DTNA: variants seen among roughly 807,000 people sequenced by gnomAD.
The protein encoded by DTNA is dystrophin-related protein 3.
Under a neutral mutation model 100.7 loss-of-function variants are expected in DTNA, and 43 were observed. The ratio of observed to expected loss-of-function variants is 0.43; its 90% CI spans 0.33 to 0.55. DTNA has a LOEUF of 0.55. DTNA is among the 20% of genes least tolerant of loss of function. The pLI is 0.04. For missense variants in DTNA, 798 were observed against 953.9 expected (o/e 0.84, Z 2.15); for synonymous variants, 349 against 347.9 (o/e 1.00, Z -0.04).
At chr18:34,808,202 C>G (rs1178407624) in intron 5 of DTNA, among the ~76,000 whole-genome samples, 2 of 152,172 alleles carry the variant, frequency 1.3e-5, no homozygotes, top group Admixed American at 1.3e-4. Context: ...GTCTGTCAAC[C>G]TTTAACATAC....
At chr18:34,532,739 A>G (rs1382891006) in intron 1 of DTNA, among the ~76,000 whole-genome samples, 1 of 144,466 alleles carries the variant, frequency 6.9e-6, no homozygotes, top group Admixed American at 7.2e-5. Context: ...TGAGAACTGT[A>G]TATGTATATT....
chr18:34,762,817 A>ACAGACCT (rs1277010468), intron 2 of DTNA, among the ~76,000 whole-genome samples: 1 of 152,232 alleles, frequency 6.6e-6, no homozygotes, highest in Non-Finnish European at 1.5e-5. Flanking sequence ...TTATAGACCT[A>ACAGACCT]CAGACCTCTT....
chr18:34,821,841 A>G lies in DTNA; in HGVS notation c.1001+926A>G, dbSNP rs546462929. Among the ~76,000 whole-genome samples the G allele has an allele frequency of 3.3e-5, 5 of 152,346 alleles. No individual in the cohort carries two copies. The South Asian group carries it at 8.3e-4, about 25-fold the overall frequency. ...ATAGGAATTCAACAATGCAAAGTTCATGCTTCAGGCAGTTCAGCATATGAT... is the reference window on the plus strand; with the variant it reads ...ATAGGAATTCAACAATGCAAAGTTCGTGCTTCAGGCAGTTCAGCATATGAT... On this transcript the variant is annotated intron_variant, in intron 9 of 22. Transcript: ENST00000444659.
At chr18:34,860,220 G>GTATTTTTTTT (rs749839630) in intron 16 of DTNA, among the ~76,000 whole-genome samples, 7 of 80,278 alleles carry the variant, frequency 8.7e-5, no homozygotes, top group Admixed American at 1.5e-4. Flanking sequence ...CTAATTTTTT[G>GTATTTTTTTT]TTTTTTTTTT....
At chr18:34,623,204 C>T (rs2056808151) in intron 1 of DTNA, among the ~76,000 whole-genome samples, 1 of 152,090 alleles carries the variant, frequency 6.6e-6, no homozygotes, top group African/African-American at 2.4e-5. Context: ...CCAAAAAATG[C>T]AGGCTTCACC....
chr18:34,877,870 GTC>G (rs1012847888), intron 19 of DTNA, 62 bp downstream of exon 19: 1 of 1,364,972 alleles, frequency 7.3e-7, no homozygotes, highest in Non-Finnish European at 1.0e-6. Context: ...AGTGCTAGGG[GTC>G]TCTCTTAGAG....
rs115652017 is a variant in DTNA at position 34,884,301 on chromosome 18, T to C, written c.2296-427T>C. 3.9e-3 allele frequency among the ~76,000 whole-genome samples: 587 copies of C among 152,286 alleles called. 2 individuals are homozygous for C. The highest frequency in any genetic ancestry group is 0.013 in the African/African-American group (551 of 41,558). ...ACACCATTCCATATAAAATATTAGATTTTTATTCATTTTAATGAATTAAAA... is the reference window on the plus strand; with the variant it reads ...ACACCATTCCATATAAAATATTAGACTTTTATTCATTTTAATGAATTAAAA... On this transcript the variant is annotated intron_variant, in intron 21 of 22. Transcript: ENST00000444659.
intron 16 of DTNA, among the ~76,000 whole-genome samples, chr18:34,859,649 G>A (rs2150074170): frequency 6.6e-6 from 1 of 152,286 alleles, no homozygotes; most frequent in Middle Eastern, 3.4e-3. Context: ...TTGTTACTTG[G>A]GTGTGGAAAG....
chr18:34,714,538 C>A (rs1255062484), intron 1 of DTNA, among the ~76,000 whole-genome samples: 3 of 148,884 alleles, frequency 2.0e-5, no homozygotes, highest in African/African-American at 5.0e-5. Context: ...AATGAGATAC[C>A]ATCTCACACC....
At chr18:34,602,707 A>C (rs1007923907) in intron 1 of DTNA, among the ~76,000 whole-genome samples, 6 of 151,768 alleles carry the variant, frequency 4.0e-5, no homozygotes, top group South Asian at 2.1e-4. Context: ...ACAAAAAAAA[A>C]CAAACAAACA....
At chr18:34,669,494 G>A (rs548629649) in intron 1 of DTNA, among the ~76,000 whole-genome samples, 65 of 152,254 alleles carry the variant, frequency 4.3e-4, no homozygotes, top group African/African-American at 1.1e-3. Context: ...TATTTTGTTC[G>A]TTAGTTGATG....
chr18:34,816,498 A>G (rs1182483206), intron 7 of DTNA, among the ~76,000 whole-genome samples: 1 of 152,210 alleles, frequency 6.6e-6, no homozygotes, highest in African/African-American at 2.4e-5. Context: ...TAAAGATAAG[A>G]GTAAAATAAC....
intron 9 of DTNA, among the ~76,000 whole-genome samples, chr18:34,824,583 C>T (rs2095810455): frequency 1.3e-5 from 2 of 151,940 alleles, no homozygotes; most frequent in Admixed American, 1.3e-4. Context: ...AAAAAAAATG[C>T]TGTTAGTCCT....
chr18:34,549,050 C>T (rs923924865), intron 1 of DTNA, among the ~76,000 whole-genome samples: 1 of 152,082 alleles, frequency 6.6e-6, no homozygotes, highest in Non-Finnish European at 1.5e-5. Flanking sequence ...TAACAAGTCC[C>T]TCTCAATCCC....
intron 3 of DTNA, among the ~76,000 whole-genome samples, chr18:34,777,807 G>C (rs1022889034): frequency 5.9e-5 from 9 of 152,224 alleles, no homozygotes; most frequent in Admixed American, 2.0e-4. Context: ...TGGCACATAG[G>C]GATTACAGAT....
intron 15 of DTNA, among the ~76,000 whole-genome samples, chr18:34,856,592 G>A (rs974769035): frequency 6.6e-6 from 1 of 152,166 alleles, no homozygotes; most frequent in Non-Finnish European, 1.5e-5. Context: ...ATATATGTGG[G>A]GTTTGGGGCT....
At position 34,858,415 on chromosome 18, in the gene DTNA, A is replaced by G. The variant is rs376948940; in HGVS notation, c.1646+17A>G. The G allele has an allele frequency of 1.4e-5, 22 of 1,610,876 alleles. No homozygotes were observed. The highest frequency in any genetic ancestry group is 1.8e-5 in the Non-Finnish European group (21 of 1,177,250). ...GCTCCTCAGGTAGGAGAGAGCACCCATGTCATCTCAGGGAATATATATGTG... is the reference window on the plus strand; with the variant it reads ...GCTCCTCAGGTAGGAGAGAGCACCCGTGTCATCTCAGGGAATATATATGTG... On this transcript the variant is annotated intron_variant, in intron 16 of 22. Transcript: ENST00000444659.
chr18:34,860,220 G>GTATTTTTT (rs749839630), intron 16 of DTNA, among the ~76,000 whole-genome samples: 6 of 80,252 alleles, frequency 7.5e-5, no homozygotes, highest in African/African-American at 1.4e-4. Context: ...CTAATTTTTT[G>GTATTTTTT]TTTTTTTTTT....
intron 3 of DTNA, among the ~76,000 whole-genome samples, chr18:34,775,450 C>T (rs1167580967): frequency 6.6e-6 from 1 of 151,890 alleles, no homozygotes; most frequent in African/African-American, 2.4e-5. Context: ...TGCACCACGG[C>T]ACTCCTGGGC....
Sources: gnomAD v4.1 joint callset for allele counts (sites outside exome capture counted in the v4.1 genomes callset) on GRCh38, gnomAD v4.1.1 for gene constraint, MANE v1.5 for transcripts, NCBI Gene and HGNC (gene_info 2026-07-23, HGNC 2026-07-21) for gene names.